Variants in RBMS3 observed in about 807,000 individuals in gnomAD.
RBMS3 encodes RNA-binding motif, single-stranded-interacting protein 3.
In RBMS3, 27 loss-of-function variants were observed where a neutral mutation model predicts 66.8. The observed-to-expected ratio is 0.40, with a 90% CI of 0.30 to 0.56. The LOEUF is 0.56. RBMS3 is among the 20% of genes least tolerant of loss of function. The pLI, the probability that RBMS3 is intolerant of heterozygous loss-of-function variation, is 0.40. For missense variants in RBMS3, 513 were observed against 549.5 expected (o/e 0.93, Z 0.66); for synonymous variants, 188 against 183.0 (o/e 1.03, Z -0.22).
intron 6 of RBMS3, among the ~76,000 whole-genome samples, chr3:29,785,994 T>C (rs1460111726): frequency 6.6e-6 from 1 of 151,908 alleles, no homozygotes; most frequent in Non-Finnish European, 1.5e-5. Context: ...TTCAGCAAAA[T>C]TTCAGCATAC....
At chr3:29,307,326 G>A (rs1288379586) in intron 1 of RBMS3, among the ~76,000 whole-genome samples, 3 of 151,944 alleles carry the variant, frequency 2.0e-5, no homozygotes, top group Non-Finnish European at 4.4e-5. Context: ...TTGCTTATAA[G>A]CAATTACATT....
At chr3:29,324,991 T>G (rs913191267) in intron 1 of RBMS3, among the ~76,000 whole-genome samples, 1 of 152,124 alleles carries the variant, frequency 6.6e-6, no homozygotes, top group African/African-American at 2.4e-5. Context: ...AAAGAATACA[T>G]GCATATAATA....
intron 1 of RBMS3, among the ~76,000 whole-genome samples, chr3:29,342,913 G>A (rs2036359765): frequency 6.6e-6 from 1 of 152,068 alleles, no homozygotes; most frequent in African/African-American, 2.4e-5. Context: ...TTGATTTACT[G>A]GCTTGTGTGA....
intron 8 of RBMS3, among the ~76,000 whole-genome samples, chr3:29,895,229 G>A (rs2060098535): frequency 6.6e-6 from 1 of 151,528 alleles, no homozygotes; most frequent in South Asian, 2.1e-4. Flanking sequence ...AAAATGGAAA[G>A]ATGAATGTTT....
intron 3 of RBMS3, among the ~76,000 whole-genome samples, chr3:29,566,056 G>T (rs1030250768): frequency 3.3e-5 from 5 of 152,264 alleles, no homozygotes; most frequent in Middle Eastern, 3.4e-3. Context: ...AATTTGTTAG[G>T]AATTTGCTCA....
intron 2 of RBMS3, among the ~76,000 whole-genome samples, chr3:29,457,364 A>C (rs986710430): frequency 4.0e-4 from 61 of 152,154 alleles, no homozygotes; most frequent in African/African-American, 1.4e-3. Context: ...TTCACACTGC[A>C]GTTAGAACCA....
At chr3:29,521,559 G>C (rs2044857562) in intron 3 of RBMS3, among the ~76,000 whole-genome samples, 1 of 152,072 alleles carries the variant, frequency 6.6e-6, no homozygotes, top group Admixed American at 6.6e-5. Context: ...CTTTCTTTCT[G>C]AACTGGCATA....
chr3:29,898,772 C>CT lies in RBMS3; in HGVS notation c.889-924dup, dbSNP rs907752430. ...GTGTGTGTGTGTGTGTGTGTGTTTC[C>CT]TTTTTTTTTCTAATCTTGGCCTCTG... On this transcript the variant is annotated intron_variant, in intron 9 of 14. Transcript: ENST00000383767. Among the ~76,000 whole-genome samples the CT allele has an allele frequency of 4.6e-4, 48 of 103,700 alleles. No individual in the cohort carries two copies. In the South Asian group the frequency reaches 0.011, roughly 23 times the overall value. 68.0% of individuals were successfully genotyped at this position (103,700 alleles called of 152,430 possible).
At chr3:29,387,320 G>T (rs568805380) in intron 1 of RBMS3, among the ~76,000 whole-genome samples, 3 of 152,036 alleles carry the variant, frequency 2.0e-5, no homozygotes, top group Admixed American at 2.0e-4. Context: ...CCCCAAACCT[G>T]CTTTACTTTC....
chr3:29,867,787 G>A (rs1159001238), intron 6 of RBMS3, among the ~76,000 whole-genome samples: 1 of 151,472 alleles, frequency 6.6e-6, no homozygotes, highest in African/African-American at 2.4e-5. Context: ...AAGAATTAGG[G>A]CCTTTAGTAT....
intron 6 of RBMS3, among the ~76,000 whole-genome samples, chr3:29,818,868 C>T (rs1286839961): frequency 6.6e-6 from 1 of 152,094 alleles, no homozygotes; most frequent in South Asian, 2.1e-4. Context: ...GTTATTATCT[C>T]CATGGTAGCT....
chr3:29,906,133 G>A lies in RBMS3; in HGVS notation c.939+6378G>A, dbSNP rs759187612. Among the ~76,000 whole-genome samples, 10 of 152,150 alleles carry A rather than the reference G, an allele frequency of 6.6e-5. No homozygotes were observed. The East Asian group carries it at 1.7e-3, about 27-fold the overall frequency. The stretch of plus-strand genomic sequence containing the variant: ...TTTGGATCACTTAATAGAGTATCAG[G>A]TTTCCGCCATATGTATTCTATACAT... On this transcript the variant is annotated intron_variant, in intron 10 of 14. Coordinates refer to ENST00000383767, the MANE Select transcript of RBMS3 (RefSeq NM_001003793.3).
At chr3:29,801,002 C>T (rs2057370645) in intron 6 of RBMS3, among the ~76,000 whole-genome samples, 1 of 117,400 alleles carries the variant, frequency 8.5e-6, no homozygotes, top group African/African-American at 3.1e-5. Flanking sequence ...TGCACACACG[C>T]ATGCACACAC....
At chr3:29,351,842 T>G (rs35226467) in intron 1 of RBMS3, among the ~76,000 whole-genome samples, 1 of 152,050 alleles carries the variant, frequency 6.6e-6, no homozygotes, top group African/African-American at 2.4e-5. Flanking sequence ...ATTTTTTTTG[T>G]ATTTATTTTT....
intron 4 of RBMS3, among the ~76,000 whole-genome samples, chr3:29,673,463 GTT>G (rs1474286974): frequency 7.4e-6 from 1 of 134,246 alleles, no homozygotes; most frequent in African/African-American, 3.2e-5. Flanking sequence ...CCAGGAGCTG[GTT>G]TTTTTTTTTT....
In RBMS3 at chr3:29,953,030, A is replaced by C. The variant is rs1211324208; in HGVS notation, c.1098+8776A>C. ...ACTATAGTCAAACATAGTTAAGTTC[A>C]TTAGCTTGCTGAAACAAGGGAAAAT... On this transcript the variant is annotated intron_variant, in intron 12 of 14. Coordinates refer to ENST00000383767, the MANE Select transcript of RBMS3 (RefSeq NM_001003793.3). Among the ~76,000 whole-genome samples, 3 of 151,920 alleles carry C rather than the reference A, an allele frequency of 2.0e-5. No individual in the cohort carries two copies. In the East Asian group the frequency reaches 5.8e-4, roughly 29 times the overall value.
intron 6 of RBMS3, among the ~76,000 whole-genome samples, chr3:29,868,504 T>C (rs913355745): frequency 1.3e-5 from 2 of 152,200 alleles, no homozygotes; most frequent in African/African-American, 4.8e-5. Context: ...CACGGTTGCT[T>C]TGAGGAAGAA....
At chr3:29,951,843 A>G (rs879639403) in intron 12 of RBMS3, among the ~76,000 whole-genome samples, 3 of 151,744 alleles carry the variant, frequency 2.0e-5, no homozygotes, top group Admixed American at 6.6e-5. Context: ...CATGAAAAAG[A>G]ATGTTCATAA....
intron 10 of RBMS3, among the ~76,000 whole-genome samples, chr3:29,922,506 AAAAAAAAAG>A (rs1235924029): frequency 2.0e-5 from 3 of 151,586 alleles, no homozygotes; most frequent in South Asian, 4.2e-4. Flanking sequence ...AAAAAAAAAA[AAAAAAAAAG>A]AAAAAAGATA....
Sources: gnomAD v4.1 joint callset for allele counts (sites outside exome capture counted in the v4.1 genomes callset) on GRCh38, gnomAD v4.1.1 for gene constraint, MANE v1.5 for transcripts, NCBI Gene and HGNC (gene_info 2026-07-23, HGNC 2026-07-21) for gene names.